Variants in U2AF1 observed in about 807,000 individuals in gnomAD.
U2AF1 encodes U2 small nuclear RNA auxiliary factor 1.
For missense variants in U2AF1, 4 were observed against 75.9 expected (o/e 0.05, Z 3.52); for synonymous variants, 8 against 27.2 (o/e 0.29, Z 2.20).
intron 3 of U2AF1, chr21:43,099,747 TA>T (rs1252189614): frequency 1.5e-4 from 1 of 6,478 alleles, no homozygotes; most frequent in Non-Finnish European, 2.4e-4. Flanking sequence ...TAATGAGAAA[TA>T]AAATCTGAAA....
chr21:43,095,604 T>C (rs552867130), intron 4 of U2AF1, 68 bp from the exon 5 acceptor site: 1 of 818,064 alleles, frequency 1.2e-6, no homozygotes, highest in East Asian at 2.3e-5. Flanking sequence ...ATAACTCATG[T>C]ATGTTTATTA....
intron 3 of U2AF1, chr21:43,099,913 A>G (rs1394123723): frequency 1.2e-5 from 1 of 84,112 alleles, no homozygotes; most frequent in Non-Finnish European, 2.2e-5. Context: ...GGGCAGCAGC[A>G]GCTCCAGACT....
rs376470818 is a variant in U2AF1 at position 43,094,433 on chromosome 21, A to C, written c.575+38T>G. On this transcript the variant is annotated intron_variant, in intron 7 of 7. Coordinates refer to ENST00000291552, the MANE Select transcript of U2AF1 (RefSeq NM_006758.3). ...GGGGGAGGGTTGTGAGGGGAGAAAGAAGCCACTGAGCTTAACAACGGGCAC... is the reference window on the plus strand; with the variant it reads ...GGGGGAGGGTTGTGAGGGGAGAAAGCAGCCACTGAGCTTAACAACGGGCAC... 7.4e-6 allele frequency: 4 copies of C among 537,046 alleles called. 1 individual carries two copies. Among genetic ancestry groups the C allele is most frequent in the Non-Finnish European group, 1.4e-5 (4 of 295,038 alleles). 33.3% of individuals were successfully genotyped at this position (537,046 alleles called of 1,614,324 possible).
At position 43,107,181 on chromosome 21, in the gene U2AF1, G is replaced by A. The variant is rs549087941; in HGVS notation, c.44+270C>T. On this transcript the variant is annotated intron_variant, in intron 1 of 7. Transcript: ENST00000291552. ...CGGACGTCGGGCGATCAGCCAGTCC[G>A]GACCCCAAGGCCGGAGAAAGCTCGG... 4.4e-5 allele frequency among the ~76,000 whole-genome samples: 5 copies of A among 113,674 alleles called. 1 individual carries two copies. Among genetic ancestry groups the A allele is most frequent in the East Asian group, 2.0e-4 (1 of 4,994 alleles). 74.6% of individuals were successfully genotyped at this position (113,674 alleles called of 152,430 possible). A position where few individuals can be genotyped will look rare whatever the true frequency, so the allele number is the denominator to read the frequency against.
intron 3 of U2AF1, chr21:43,097,618 T>C (rs1984384458): frequency 1.1e-5 from 1 of 89,222 alleles, no homozygotes; most frequent in East Asian, 2.2e-4. Flanking sequence ...AAACTCTTTT[T>C]ATCTTTTTTT....
rs1052075337 is a variant in U2AF1, at chr21:43,107,271, C to T, written c.44+180G>A. 4.5e-4 allele frequency among the ~76,000 whole-genome samples: 48 copies of T among 106,814 alleles called. 14 individuals are homozygous for T. Among genetic ancestry groups the T allele is most frequent in the Non-Finnish European group, 6.3e-4 (32 of 50,744 alleles). The allele number at this position is 106,814 out of a possible 152,430, so 70.1% of individuals were successfully genotyped here. A position where few individuals can be genotyped will look rare whatever the true frequency, so the allele number is the denominator to read the frequency against. On this transcript the variant is annotated intron_variant, in intron 1 of 7. Coordinates refer to ENST00000291552, the MANE Select transcript of U2AF1 (RefSeq NM_006758.3). ...CTCCAGTTTTCCGCCGCGCGGCCCA[C>T]GAGGCGGCGGCTCCGGAGGGCGCGC...
chr21:43,104,832 TGCTTGG>T (rs1374497834), intron 1 of U2AF1: 1 of 124,498 alleles, frequency 8.0e-6, no homozygotes, highest in Admixed American at 9.3e-5. Flanking sequence ...TGCTACCAGC[TGCTTGG>T]GCTTGGGCAA....
rs1202241587 is a variant in U2AF1, at chr21:43,107,480, C to G, written c.15G>C (p.Leu5=). 1.9e-5 allele frequency: 14 copies of G among 728,150 alleles called. 2 individuals carry two copies. The highest frequency in any genetic ancestry group is 6.6e-5 in the African/African-American group (2 of 30,442). The allele number at this position is 728,150 out of a possible 1,614,324, so 45.1% of individuals were successfully genotyped here. A position where few individuals can be genotyped will look rare whatever the true frequency, so the allele number is the denominator to read the frequency against. The change falls in exon 1 of 8, where the codon CTG becomes CTC. Residue 5 remains leucine, a synonymous_variant. Transcript: ENST00000291552. MAEY[L]ASIFGTEKDK... The stretch of plus-strand genomic sequence containing the variant: ...CTTTCTCGGTGCCGAAGATGGAGGC[C>G]AGATACTCCGCCATTTCCCACCCGC...
intron 7 of U2AF1, 84 bp downstream of exon 7, chr21:43,094,387 G>A (rs1196916591): frequency 2.8e-6 from 2 of 725,300 alleles, no homozygotes; most frequent in African/African-American, 4.2e-5. Context: ...CGACACCTAT[G>A]CCAAAATTTT....
chr21:43,095,128 T>A (rs1601403300), intron 5 of U2AF1: 1 of 225,672 alleles, frequency 4.4e-6, no homozygotes, highest in East Asian at 4.5e-5. Context: ...AACCAACAGG[T>A]ACTAAATATT....
chr21:43,104,914 TCAGA>T lies in U2AF1; in HGVS notation c.45-516_45-513del, dbSNP rs1056708781. The T allele has an allele frequency of 1.4e-4, 13 of 89,790 alleles. 2 individuals carry two copies. Among genetic ancestry groups the T allele is most frequent in the African/African-American group, 6.5e-4 (13 of 19,864 alleles). 5.6% of individuals were successfully genotyped at this position (89,790 alleles called of 1,614,324 possible). On this transcript the variant is annotated intron_variant, in intron 1 of 7. Coordinates refer to ENST00000291552, the MANE Select transcript of U2AF1 (RefSeq NM_006758.3). Reference sequence around the variant, plus strand: ...TGCCAATGTGGCACTGTTCTGAGAGTCAGACAGAACGTATGTGTGCTTCACATAT... The same window carrying T: ...TGCCAATGTGGCACTGTTCTGAGAGTCAGAACGTATGTGTGCTTCACATAT...
intron 3 of U2AF1, chr21:43,097,542 CTGCCTTAGCCTG>C (rs1399406435): frequency 1.4e-5 from 1 of 69,070 alleles, no homozygotes; most frequent in Non-Finnish European, 2.9e-5. Context: ...ATTGGGCCGG[CTGCCTTAGCCTG>C]TGCACCCAAC....
chr21:43,096,676 CTTTT>C (rs898924455), intron 3 of U2AF1, among the ~76,000 whole-genome samples: 1 of 15,526 alleles, frequency 6.4e-5, no homozygotes, highest in Admixed American at 7.2e-4. Flanking sequence ...TGAAAGCATT[CTTTT>C]TTTTTTCTTT....
Position 43,107,539 on chromosome 21 carries a change from C to CGCCGACCCT in U2AF1, c.-54_-46dup, listed in dbSNP as rs746959300. 86 of 953,306 alleles carry CGCCGACCCT rather than the reference C, an allele frequency of 9.0e-5. 22 individuals carry two copies. The Admixed American group carries it at 1.6e-3, about 17-fold the overall frequency. The allele number at this position is 953,306 out of a possible 1,614,324, so 59.1% of individuals were successfully genotyped here. A position where few individuals can be genotyped will look rare whatever the true frequency, so the allele number is the denominator to read the frequency against. On this transcript the variant is annotated 5_prime_UTR_variant, in exon 1 of 8. Coordinates refer to ENST00000291552, the MANE Select transcript of U2AF1 (RefSeq NM_006758.3). ...CTGCCGTCGACACTGCTGCCGACGCCGCCGACCCTGCCGACGCCCTCGGGA... is the reference window on the plus strand; with the variant it reads ...CTGCCGTCGACACTGCTGCCGACGCCGCCGACCCTGCCGACCCTGCCGACGCCCTCGGGA...
rs1984729649 is a variant in U2AF1 at position 43,105,135 on chromosome 21, T to A, written c.45-733A>T. ...AACCCACCTTAGGAACCACCTTACG[T>A]CACCTTCTGTCTCTACTGCAAAACC... On this transcript the variant is annotated intron_variant, in intron 1 of 7. Coordinates refer to ENST00000291552, the MANE Select transcript of U2AF1 (RefSeq NM_006758.3). 2 of 106,012 alleles carry A rather than the reference T, an allele frequency of 1.9e-5. 1 individual carries two copies. Among genetic ancestry groups the A allele is most frequent in the Non-Finnish European group, 3.9e-5 (2 of 51,218 alleles). The allele number at this position is 106,012 out of a possible 1,614,324, so 6.6% of individuals were successfully genotyped here.
At chr21:43,096,034 GA>G in intron 3 of U2AF1, 1 of 12,596 alleles carries the variant, frequency 7.9e-5, no homozygotes, top group Admixed American at 1.2e-3. Context: ...AAACTGTGAG[GA>G]AAAAGTTGAC....
Position 43,107,530 on chromosome 21 carries a change from TGCCGACGCC to T in U2AF1, c.-45_-37del, listed in dbSNP as rs777788759. The stretch of plus-strand genomic sequence containing the variant: ...CCGCCGCCGCTGCCGTCGACACTGC[TGCCGACGCC>T]GCCGACCCTGCCGACGCCCTCGGGA... On this transcript the variant is annotated 5_prime_UTR_variant, in exon 1 of 8. Coordinates refer to ENST00000291552, the MANE Select transcript of U2AF1 (RefSeq NM_006758.3). 15 of 936,382 alleles carry T rather than the reference TGCCGACGCC, an allele frequency of 1.6e-5. 5 individuals are homozygous for T. Among genetic ancestry groups the T allele is most frequent in the Non-Finnish European group, 2.1e-5 (14 of 674,602 alleles). The allele number at this position is 936,382 out of a possible 1,614,324, so 58.0% of individuals were successfully genotyped here.
At position 43,095,412 on chromosome 21, in the gene U2AF1, C is replaced by T. The variant is rs370581089; in HGVS notation, c.348+26G>A. On this transcript the variant is annotated intron_variant, in intron 5 of 7. Coordinates refer to ENST00000291552, the MANE Select transcript of U2AF1 (RefSeq NM_006758.3). ...TTGGCCCTGGCACACTAAGCGGCCA[C>T]GCCGCCGTCTCGCCCTGGCTCCTAC... The T allele has an allele frequency of 1.6e-4, 151 of 918,088 alleles. 36 individuals are homozygous for T. Among genetic ancestry groups the T allele is most frequent in the Admixed American group, 3.6e-4 (13 of 36,506 alleles). 56.9% of individuals were successfully genotyped at this position (918,088 alleles called of 1,614,324 possible).
rs935612425 is a variant in U2AF1 at position 43,097,540 on chromosome 21, G to A, written c.200-1797C>T. On this transcript the variant is annotated intron_variant, in intron 3 of 7. Coordinates refer to ENST00000291552, the MANE Select transcript of U2AF1 (RefSeq NM_006758.3). ...GCCTGACTGGTTTCCAGATTGGGCC[G>A]GCTGCCTTAGCCTGTGCACCCAACG... is the stretch of plus-strand genomic sequence containing the variant. 4 of 68,494 alleles carry A rather than the reference G, an allele frequency of 5.8e-5. 1 individual carries two copies. Among genetic ancestry groups the A allele is most frequent in the African/African-American group, 1.4e-4 (2 of 13,850 alleles). The allele number at this position is 68,494 out of a possible 1,614,324, so 4.2% of individuals were successfully genotyped here.
Sources: gnomAD v4.1 joint callset for allele counts (sites outside exome capture counted in the v4.1 genomes callset) on GRCh38, gnomAD v4.1.1 for gene constraint, MANE v1.5 for transcripts, NCBI Gene and HGNC (gene_info 2026-07-23, HGNC 2026-07-21) for gene names.